The following NXN variants were observed in gnomAD, a reference collection of about 807,000 sequenced individuals.
The protein encoded by NXN is nucleoredoxin 1.
NXN carries 16 observed loss-of-function variants against 48.6 expected under a neutral mutation model. The ratio of observed to expected loss-of-function variants is 0.33; its 90% confidence interval spans 0.22 to 0.50. The LOEUF (loss-of-function observed/expected upper bound fraction) is 0.50, where lower values mean the gene tolerates loss of function less well. Among genes scored for constraint, NXN ranks in the 20% least tolerant of loss-of-function variants. NXN has a pLI of 0.98. For missense variants in NXN, 492 were observed against 605.5 expected, an observed-to-expected ratio of 0.81 and a Z score of 1.97; for synonymous variants, 281 against 269.6, an observed-to-expected ratio of 1.04 and a Z score of -0.41.
At chr17:977,798 A>G (rs2069479259) in intron 1 of NXN, among the ~76,000 whole-genome samples, 1 of 152,244 alleles carries the variant, frequency 6.6e-6, no homozygotes, top group Non-Finnish European at 1.5e-5. Flanking sequence ...ACCAAGGAAA[A>G]CAAAGGATTC....
chr17:833,408 T>A (rs2080123822), intron 1 of NXN, among the ~76,000 whole-genome samples: 1 of 152,122 alleles, frequency 6.6e-6, no homozygotes, highest in African/African-American at 2.4e-5. Context: ...CAGGAGTGAC[T>A]TGCGGATTCA....
At chr17:945,773 C>T (rs957113569) in intron 1 of NXN, among the ~76,000 whole-genome samples, 1 of 152,130 alleles carries the variant, frequency 6.6e-6, no homozygotes, top group Non-Finnish European at 1.5e-5. Context: ...AAAGCCAGGC[C>T]CAATGCCTGG....
At chr17:835,307 C>CA (rs368573865) in intron 1 of NXN, among the ~76,000 whole-genome samples, 6,755 of 91,102 alleles carry the variant, frequency 0.074, 278 homozygotes, top group East Asian at 0.29. Flanking sequence ...GACTCTGTTT[C>CA]AAAAAAAAAA....
chr17:823,816 CT>C (rs1567818540), intron 2 of NXN, 51 bp from the exon 3 acceptor site: 16 of 1,607,498 alleles, frequency 1.0e-5, no homozygotes, highest in Non-Finnish European at 1.4e-5. Flanking sequence ...TCTTGATGAC[CT>C]GGGACCCAGG....
At chr17:842,069 G>A (rs924488574) in intron 1 of NXN, among the ~76,000 whole-genome samples, 7 of 152,162 alleles carry the variant, frequency 4.6e-5, no homozygotes, top group Non-Finnish European at 8.8e-5. Flanking sequence ...CTGGGAGGCA[G>A]AGGTTGCAGT....
At position 979,742 on chromosome 17, in the gene NXN, A is replaced by AGGCGGCGGCGTCGGC. The variant is rs1477121763; in HGVS notation, c.-79_-65dup. 1.1e-5 allele frequency: 14 copies of AGGCGGCGGCGTCGGC among 1,239,156 alleles called. No homozygotes were observed. Among genetic ancestry groups the AGGCGGCGGCGTCGGC allele is most frequent in the Admixed American group, 8.9e-5 (2 of 22,442 alleles). 76.8% of individuals were successfully genotyped at this position (1,239,156 alleles called of 1,614,324 possible). A position where few individuals can be genotyped will look rare whatever the true frequency, so the allele number is the denominator to read the frequency against. ...GCTCCACGGTCCGCGCGGCGGGAGG[A>AGGCGGCGGCGTCGGC]GGCGGCGGCGTCGGCGGCAGGCGCT... On this transcript the variant is annotated 5_prime_UTR_variant, in exon 1 of 8. Transcript: ENST00000336868.
chr17:926,160 A>G (rs1567503939), intron 1 of NXN, among the ~76,000 whole-genome samples: 1 of 152,126 alleles, frequency 6.6e-6, no homozygotes, highest in Non-Finnish European at 1.5e-5. Flanking sequence ...CATTCTCAGT[A>G]TCTACCGTCT....
intron 1 of NXN, among the ~76,000 whole-genome samples, chr17:844,292 G>A (rs940537619): frequency 2.1e-5 from 3 of 142,860 alleles, no homozygotes; most frequent in East Asian, 4.2e-4. Flanking sequence ...TGGCGGCCAG[G>A]CCATCACACG....
intron 1 of NXN, among the ~76,000 whole-genome samples, chr17:913,638 ATAAAGAG>A (rs1304517074): frequency 7.1e-6 from 1 of 141,586 alleles, no homozygotes; most frequent in Non-Finnish European, 1.5e-5. Flanking sequence ...CCGGGAACCG[ATAAAGAG>A]GCAGGTTCTC....
chr17:977,428 T>C (rs1246410822), intron 1 of NXN, among the ~76,000 whole-genome samples: 1 of 152,266 alleles, frequency 6.6e-6, no homozygotes, highest in East Asian at 1.9e-4. Flanking sequence ...GAATACTTTT[T>C]GTCATGCAAA....
In NXN at chr17:800,828, A is replaced by G; in HGVS notation, c.*121T>C. 1.7e-6 allele frequency: 1 copy of G among 582,644 alleles called. No individual in the cohort carries two copies. The highest frequency in any genetic ancestry group is 4.6e-5 in the South Asian group (1 of 21,864). The allele number at this position is 582,644 out of a possible 1,614,324, so 36.1% of individuals were successfully genotyped here. On this transcript the variant is annotated 3_prime_UTR_variant, in exon 8 of 8. Transcript: ENST00000336868. The stretch of plus-strand genomic sequence containing the variant: ...TTACTGCAGAAACAAGGCACCACAG[A>G]GAGGCTGGACACTTGGGTGGTGGGA...
chr17:905,641 G>A (rs1236267544), intron 1 of NXN, among the ~76,000 whole-genome samples: 1 of 152,126 alleles, frequency 6.6e-6, no homozygotes, highest in Non-Finnish European at 1.5e-5. Flanking sequence ...GAAATATAAT[G>A]TAAGCCACAT....
At chr17:954,401 C>T (rs980276334) in intron 1 of NXN, among the ~76,000 whole-genome samples, 2 of 152,126 alleles carry the variant, frequency 1.3e-5, no homozygotes, top group Non-Finnish European at 2.9e-5. Flanking sequence ...AAACGCTTCC[C>T]GCTCCTAAGT....
At chr17:843,910 G>A (rs760980595) in intron 1 of NXN, among the ~76,000 whole-genome samples, 5 of 152,198 alleles carry the variant, frequency 3.3e-5, no homozygotes, top group Non-Finnish European at 7.3e-5. Flanking sequence ...TCCAGAACCC[G>A]TGAGACTAAG....
intron 1 of NXN, among the ~76,000 whole-genome samples, chr17:862,584 T>C (rs1231057849): frequency 2.0e-5 from 3 of 152,352 alleles, no homozygotes; most frequent in Non-Finnish European, 4.4e-5. Context: ...GTGAAGCCAC[T>C]GGGTAACAAG....
intron 1 of NXN, among the ~76,000 whole-genome samples, chr17:906,638 C>T (rs1401266660): frequency 6.6e-6 from 1 of 151,644 alleles, no homozygotes; most frequent in Non-Finnish European, 1.5e-5. Context: ...GCAATCTCGG[C>T]TCCCTGCAAC....
intron 5 of NXN, among the ~76,000 whole-genome samples, chr17:811,509 T>TGG (rs112363540): frequency 0.077 from 10,930 of 142,148 alleles, 351 homozygotes; most frequent in Middle Eastern, 0.093. Context: ...GCCCCGGGGT[T>TGG]GGGGGGGGGG....
intron 1 of NXN, among the ~76,000 whole-genome samples, chr17:938,219 G>T (rs113448873): frequency 1.3e-5 from 2 of 152,258 alleles, no homozygotes; most frequent in African/African-American, 2.4e-5. Context: ...TTTCCACTTG[G>T]GCGGTTTTAC....
chr17:870,822 C>T (rs1178924727), intron 1 of NXN, among the ~76,000 whole-genome samples: 1 of 151,078 alleles, frequency 6.6e-6, no homozygotes, highest in African/African-American at 2.4e-5. Context: ...GGTTTGGAAT[C>T]TCTCACACTT....
Sources: allele counts gnomAD v4.1 joint callset (sites outside exome capture counted in the v4.1 genomes callset), GRCh38; gene constraint gnomAD v4.1.1; transcripts MANE v1.5; gene names NCBI Gene and HGNC (gene_info 2026-07-23, HGNC 2026-07-21).